The following ETFDH variants were observed in gnomAD, a reference collection of about 807,000 sequenced individuals.
The protein encoded by ETFDH is electron transfer flavoprotein-ubiquinone oxidoreductase, mitochondrial.
A neutral mutation model predicts 73.2 loss-of-function variants in ETFDH; 61 were observed. The ratio of observed to expected loss-of-function variants is 0.83; its 90% CI spans 0.68 to 1.03. ETFDH has a LOEUF of 1.03. Ranked by LOEUF, ETFDH falls within the 50% of genes least tolerant of loss-of-function variation. The pLI, the probability that ETFDH is intolerant of heterozygous loss-of-function variation, is 0.00. For synonymous variants in ETFDH, 243 were observed against 253.3 expected, an observed-to-expected ratio of 0.96 and a Z score of 0.39; for missense variants, 685 against 745.0, an observed-to-expected ratio of 0.92 and a Z score of 0.94.
intron 6 of ETFDH, among the ~76,000 whole-genome samples, chr4:158,694,767 T>A (rs1774266587): frequency 6.6e-6 from 1 of 152,108 alleles, no homozygotes; most frequent in Non-Finnish European, 1.5e-5. Flanking sequence ...GAAAGTAATA[T>A]GATAATATCA....
chr4:158,689,636 A>ATT (rs58003899), intron 5 of ETFDH, among the ~76,000 whole-genome samples: 6,597 of 63,570 alleles, frequency 0.1, 1,670 homozygotes, highest in Middle Eastern at 0.2. Flanking sequence ...ATATATATAT[A>ATT]TTGTGGGGGG....
Position 158,690,365 on chromosome 4 carries a change from T to G in ETFDH, c.624T>G (p.Asp208Glu). Reference sequence around the variant, plus strand: ...ATTTTTAGGTCCTTTTTCATGATGATGGTAGTGTAAAAGGAATTGCCACTA... The same window carrying G: ...ATTTTTAGGTCCTTTTTCATGATGAGGGTAGTGTAAAAGGAATTGCCACTA... ...YAAAEVLFHD[D>E]GSVKGIATND... The change falls in exon 6 of 13, where the codon GAT (aspartate) becomes GAG (glutamate). Residue 208 changes from aspartate to glutamate, a missense_variant. Physicochemically the swap from Asp to Glu is conservative, Grantham distance 45. This residue lies in a region of ETFDH where 405 missense variants were observed against 399.3 expected (regional missense o/e 1.01). Transcript: ENST00000511912. The G allele has an allele frequency of 6.3e-7, 1 of 1,594,328 alleles. No individual in the cohort carries two copies. The highest frequency in any genetic ancestry group is 8.6e-7 in the Non-Finnish European group (1 of 1,161,916).
chr4:158,706,145 AT>A (rs778718129), intron 10 of ETFDH, 43 bp from the exon 11 acceptor site: 1 of 1,319,080 alleles, frequency 7.6e-7, no homozygotes, highest in African/African-American at 1.4e-5. Context: ...TTTTACACAC[AT>A]TTGGGCAGTT....
intron 1 of ETFDH, chr4:158,680,157 G>T: frequency 6.0e-6 from 1 of 166,330 alleles, no homozygotes; most frequent in Non-Finnish European, 1.3e-5. Context: ...AACAAAGTTT[G>T]TGCTTAAAGC....
chr4:158,683,425 C>T (rs1773913584), intron 3 of ETFDH, among the ~76,000 whole-genome samples: 1 of 152,168 alleles, frequency 6.6e-6, no homozygotes, highest in South Asian at 2.1e-4. Flanking sequence ...TCTCTCCTTT[C>T]TGAAATATCA....
Position 158,706,244 on chromosome 4 carries a change from G to A in ETFDH, c.1341G>A (p.Glu447=). The A allele has an allele frequency of 6.2e-7, 1 of 1,611,920 alleles. No individual in the cohort carries two copies. Among genetic ancestry groups the A allele is most frequent in the Non-Finnish European group, 8.5e-7 (1 of 1,177,956 alleles). ...TGAAGAACTCATGGGTATGGAAAGA[G>A]CTATATTCTGTTAGAAATATAAGAC... ...DNLKNSWVWK[E]LYSVRNIRPS... Residue 447 remains glutamate, a synonymous_variant, in exon 11 of 13, where the codon GAG becomes GAA. Transcript: ENST00000511912.
chr4:158,701,018 T>C (rs1774449204), intron 9 of ETFDH: 2 of 152,230 alleles, frequency 1.3e-5, no homozygotes, highest in Non-Finnish European at 2.9e-5. Flanking sequence ...CAGCTGACTA[T>C]ACCAAAAATC....
At chr4:158,682,495 C>A in intron 3 of ETFDH, 71 bp downstream of exon 3, 1 of 1,202,806 alleles carries the variant, frequency 8.3e-7, no homozygotes. Context: ...TCCCAAATTA[C>A]TGGAATATAG....
In ETFDH at chr4:158,672,384, A is replaced by C. The variant is rs545138897; in HGVS notation, c.-73A>C. On this transcript the variant is annotated 5_prime_UTR_variant, in exon 1 of 13. Transcript: ENST00000511912. ...GGTGATGGCGCCCCCCGCGGCCTAG[A>C]GGTCCAGCGCCCGCCGCGAGCAGCG... 5.7e-5 allele frequency: 87 copies of C among 1,535,850 alleles called. No individual in the cohort carries two copies. The highest frequency in any genetic ancestry group is 7.4e-5 in the Non-Finnish European group (82 of 1,109,250).
intron 6 of ETFDH, among the ~76,000 whole-genome samples, chr4:158,692,132 G>A (rs1325663774): frequency 6.6e-6 from 1 of 152,064 alleles, no homozygotes; most frequent in South Asian, 2.1e-4. Flanking sequence ...AGTGGCTCAC[G>A]CCTGTAATCC....
intron 11 of ETFDH, 112 bp downstream of exon 11, chr4:158,706,483 T>G: frequency 7.1e-6 from 8 of 1,124,492 alleles, no homozygotes; most frequent in Non-Finnish European, 1.1e-5. Flanking sequence ...ATTATAAATT[T>G]AGTGTCTAAG....
intron 1 of ETFDH, among the ~76,000 whole-genome samples, chr4:158,674,493 G>A (rs1773665331): frequency 6.6e-6 from 1 of 152,114 alleles, no homozygotes; most frequent in Admixed American, 6.6e-5. Flanking sequence ...TAGAGACGGG[G>A]TTTTGCCATG....
In ETFDH at chr4:158,701,268, G is replaced by C. The variant is rs143986192; in HGVS notation, c.1116+2138G>C. ...TTCACATTCTTCTGGTTCTTGAATC[G>C]AACTTGGTGTCAACAAAGCCACAGC... On this transcript the variant is annotated intron_variant, in intron 9 of 12. Transcript: ENST00000511912. Among the ~76,000 whole-genome samples the C allele has an allele frequency of 2.1e-4, 32 of 152,208 alleles. No individual in the cohort carries two copies. The East Asian group carries it at 2.7e-3, about 13-fold the overall frequency.
chr4:158,682,690 C>T (rs1397686669), intron 3 of ETFDH, among the ~76,000 whole-genome samples: 1 of 151,772 alleles, frequency 6.6e-6, no homozygotes, highest in Non-Finnish European at 1.5e-5. Flanking sequence ...CCTGCCAACA[C>T]TCCCAGCTAA....
In ETFDH at chr4:158,697,816, A is replaced by G. The variant is rs1774352007; in HGVS notation, c.972+117A>G. The G allele has an allele frequency of 6.3e-6, 6 of 945,416 alleles. No individual in the cohort carries two copies. In the Admixed American group the frequency reaches 1.0e-4, roughly 16 times the overall value. 58.6% of individuals were successfully genotyped at this position (945,416 alleles called of 1,614,324 possible). On this transcript the variant is annotated intron_variant, in intron 8 of 12. Coordinates refer to ENST00000511912, the MANE Select transcript of ETFDH (RefSeq NM_004453.4). Reference sequence around the variant, plus strand: ...AAATGCTTTTTATTTAAAGCTTTCTAATTTTATCAATATGTAAAGTGCTTA... The same window carrying G: ...AAATGCTTTTTATTTAAAGCTTTCTGATTTTATCAATATGTAAAGTGCTTA...
chr4:158,672,557 G>A, intron 1 of ETFDH, 67 bp downstream of exon 1: 2 of 1,488,882 alleles, frequency 1.3e-6, no homozygotes, highest in Admixed American at 1.7e-5. Context: ...CCGGTCCTGG[G>A]GGCTGTAGGC....
rs114713074 is a variant in ETFDH, at chr4:158,686,918, G to A, written c.606+1699G>A. ...AGAAAAGGCATACAGGTTTATCAGC[G>A]TGCATGAAGGGAATATTACAGAGTG... On this transcript the variant is annotated intron_variant, in intron 5 of 12. Coordinates refer to ENST00000511912, the MANE Select transcript of ETFDH (RefSeq NM_004453.4). 4.0e-3 allele frequency among the ~76,000 whole-genome samples: 598 copies of A among 150,126 alleles called. 6 individuals carry two copies. The highest frequency in any genetic ancestry group is 0.014 in the African/African-American group (547 of 39,560).
chr4:158,675,901 G>C (rs998967256), intron 1 of ETFDH, among the ~76,000 whole-genome samples: 13 of 152,152 alleles, frequency 8.5e-5, no homozygotes, highest in Admixed American at 1.3e-4. Flanking sequence ...TTGAGGAACT[G>C]CCAGACTGTT....
At chr4:158,683,763 G>A (rs756269037) in intron 3 of ETFDH, among the ~76,000 whole-genome samples, 3 of 151,854 alleles carry the variant, frequency 2.0e-5, no homozygotes, top group Non-Finnish European at 4.4e-5. Context: ...TATTTTTTTA[G>A]TACAGACAGG....
Sources: allele counts gnomAD v4.1 joint callset (sites outside exome capture counted in the v4.1 genomes callset), GRCh38; gene constraint gnomAD v4.1.1; regional missense constraint gnomAD v4.1.1; transcripts MANE v1.5; gene names NCBI Gene and HGNC (gene_info 2026-07-23, HGNC 2026-07-21).